MYL5: variants seen among roughly 807,000 people sequenced by gnomAD.
MYL5 encodes myosin regulatory light chain 5.
MYL5 carries 28 observed loss-of-function variants against 20.8 expected under a neutral mutation model. The ratio of observed to expected loss-of-function variants is 1.35; its 90% CI spans 1.00 to 1.84. MYL5 has a LOEUF of 1.84. Among genes scored for constraint, MYL5 ranks in the 40% most tolerant of loss-of-function variants. The pLI is 0.00. For missense variants in MYL5, 274 were observed against 227.3 expected, an observed-to-expected ratio of 1.21 and a Z score of -1.32; for synonymous variants, 118 against 87.4, an observed-to-expected ratio of 1.35 and a Z score of -1.95.
chr4:674,615 T>C (rs1738709075), upstream of MYL5: 1 of 349,476 alleles, frequency 2.9e-6, no homozygotes, highest in African/African-American at 2.2e-5. Context: ...GTCCTGGCCG[T>C]GTGTCCACAC....
At chr4:681,672 C>G (rs1215678365) in intron 6 of MYL5, among the ~76,000 whole-genome samples, 4 of 43,682 alleles carry the variant, frequency 9.2e-5, no homozygotes, top group South Asian at 1.0e-3. Context: ...CCCGCCCCCT[C>G]CAGCGCCGCC....
intron 1 of MYL5, chr4:678,268 A>T: frequency 6.8e-7 from 1 of 1,463,362 alleles, no homozygotes. Context: ...TCTCCTGGTG[A>T]GAGTCCGGAG....
At chr4:678,534 G>A in intron 1 of MYL5, 124 bp from the exon 4 acceptor site, 1 of 1,462,826 alleles carries the variant, frequency 6.8e-7, no homozygotes, top group African/African-American at 1.4e-5. Context: ...CAGCTGTCTG[G>A]CCCCCTCCAG....
upstream of MYL5, chr4:677,782 T>C: frequency 1.6e-6 from 1 of 616,534 alleles, no homozygotes. Flanking sequence ...GGATGGGAGG[T>C]AGTCCTGGCC....
At chr4:676,817 C>T, upstream of MYL5, 1 of 939,802 alleles carries the variant, frequency 1.1e-6, no homozygotes, top group Non-Finnish European at 1.3e-6. Context: ...ATCTGGTCAC[C>T]TGACACCTTG....
exon 3 of MYL5, chr4:679,020 C>T (rs1217493489): frequency 5.0e-6 from 8 of 1,613,578 alleles, no homozygotes; most frequent in Admixed American, 1.7e-5. Flanking sequence ...TGAAGGACAC[C>T]TATGCCTCCC....
rs373499780 is a variant in MYL5, at chr4:681,889, G to A, written c.421-4G>A. Reference sequence around the variant, plus strand: ...GCAAGGAGCCCTTTCGCCCCCGCCCGCAGGTGGACCAGATGTTCCAGTTCG... The same window carrying A: ...GCAAGGAGCCCTTTCGCCCCCGCCCACAGGTGGACCAGATGTTCCAGTTCG... On this transcript the variant is annotated splice_region_variant and splice_polypyrimidine_tract_variant and intron_variant, in intron 6 of 6. Transcript: ENST00000400159. 6.1e-5 allele frequency: 80 copies of A among 1,314,308 alleles called. No individual in the cohort carries two copies. Among genetic ancestry groups the A allele is most frequent in the Non-Finnish European group, 7.7e-5 (79 of 1,022,354 alleles). 81.4% of individuals were successfully genotyped at this position (1,314,308 alleles called of 1,614,324 possible).
chr4:681,976 G>T lies in MYL5; in HGVS notation c.504G>T (p.Gly168=). Residue 168 remains glycine, a synonymous_variant, in exon 7 of 7, where the codon GGG becomes GGT. Coordinates refer to ENST00000400159, the Ensembl canonical transcript of MYL5. ...CGCTCAGCTACGTGATCACCCACGG[G>T]GAGGAGAAGGAGGAGTGAGACCCAG... 1.4e-6 allele frequency: 2 copies of T among 1,397,390 alleles called. 1 individual carries two copies. Among genetic ancestry groups the T allele is most frequent in the South Asian group, 3.3e-5 (2 of 60,576 alleles). The allele number at this position is 1,397,390 out of a possible 1,614,324, so 86.6% of individuals were successfully genotyped here.
intron 6 of MYL5, among the ~76,000 whole-genome samples, chr4:681,626 C>T (rs564697156): frequency 0.086 from 6,626 of 76,806 alleles, 530 homozygotes; most frequent in Middle Eastern, 0.1. Flanking sequence ...CGCCGCCCCG[C>T]CCCCTCCAGC....
intron 5 of MYL5, 70 bp from the exon 8 acceptor site, chr4:681,022 A>C: frequency 6.6e-7 from 1 of 1,521,414 alleles, no homozygotes; most frequent in South Asian, 1.2e-5. Flanking sequence ...CCCCTGGAGC[A>C]CCTGAGCCCC....
chr4:678,561 C>G (rs1739094507), intron 1 of MYL5, 97 bp from the exon 4 acceptor site: 6 of 1,503,442 alleles, frequency 4.0e-6, no homozygotes, highest in Non-Finnish European at 5.3e-6. Flanking sequence ...GGGCTGAGGT[C>G]CACCCTTCAT....
At chr4:677,929 CA>C in exon 1 of MYL5, 1 of 1,602,562 alleles carries the variant, frequency 6.2e-7, no homozygotes, top group Middle Eastern at 1.7e-4. Context: ...TAGGGAGTGG[CA>C]GCCGGAGTCT....
At chr4:678,012 C>T in exon 1 of MYL5, 1 of 1,612,472 alleles carries the variant, frequency 6.2e-7, no homozygotes. Context: ...CGCATCAAAG[C>T]AGGCAGAAGC....
In MYL5 at chr4:678,063, G is replaced by A. The variant is rs373948314; in HGVS notation, c.3+34G>A. On this transcript the variant is annotated intron_variant, in intron 1 of 6. Coordinates refer to ENST00000400159, the Ensembl canonical transcript of MYL5. ...GCCGCCGTGCATGCCTGGGGCAGGC[G>A]TGTGGGTGTGAGCTGTGCTGTGCAT... 2.9e-4 allele frequency: 474 copies of A among 1,611,886 alleles called. 4 individuals are homozygous for A. In the East Asian group the frequency reaches 6.7e-3, roughly 23 times the overall value.
chr4:680,105 C>G (rs1295354335), intron 4 of MYL5, 87 bp downstream of exon 6: 1 of 1,299,156 alleles, frequency 7.7e-7, no homozygotes, highest in Non-Finnish European at 1.1e-6. Flanking sequence ...TCTCTCTTTT[C>G]CAATCTCTGG....
chr4:678,059 A>C (rs773335223), intron 1 of MYL5, 30 bp downstream of exon 3: 1 of 1,612,552 alleles, frequency 6.2e-7, no homozygotes, highest in Non-Finnish European at 8.5e-7. Flanking sequence ...TGCCTGGGGC[A>C]GGCGTGTGGG....
intron 1 of MYL5, chr4:678,290 G>C: frequency 7.0e-7 from 1 of 1,434,878 alleles, no homozygotes; most frequent in East Asian, 2.6e-5. Flanking sequence ...AGGATGAGGG[G>C]GTTCCTGGCT....
Position 679,047 on chromosome 4 carries a change from C to T in MYL5, c.187+14C>T. On this transcript the variant is annotated intron_variant, in intron 3 of 6. Coordinates refer to ENST00000400159, the Ensembl canonical transcript of MYL5. ...ATGCCTCCCTGGGTAGGTACCCAGG[C>T]AGAACGCCTCAGAGCCCTTGGAGGA... is the stretch of plus-strand genomic sequence containing the variant. 6.2e-7 allele frequency: 1 copy of T among 1,609,224 alleles called. No individual in the cohort carries two copies. Among genetic ancestry groups the T allele is most frequent in the East Asian group, 2.2e-5 (1 of 44,842 alleles).
In MYL5 at chr4:681,949, G is replaced by T. The variant is rs200030320; in HGVS notation, c.477G>T (p.Lys159Asn). ...ATGTGGCGGGCAACCTGGACTACAA[G>T]GCGCTCAGCTACGTGATCACCCACG... The change falls in exon 7 of 7, where the codon AAG becomes AAT. Residue 159 changes from lysine to asparagine, a missense_variant. Physicochemically the swap from Lys to Asn is moderately conservative, Grantham distance 94 (BLOSUM62 0). Coordinates refer to ENST00000400159, the Ensembl canonical transcript of MYL5. The T allele has an allele frequency of 2.2e-6, 3 of 1,346,014 alleles. No homozygotes were observed. In the East Asian group the frequency reaches 8.4e-5, roughly 38 times the overall value. The allele number at this position is 1,346,014 out of a possible 1,614,324, so 83.4% of individuals were successfully genotyped here. A position where few individuals can be genotyped will look rare whatever the true frequency, so the allele number is the denominator to read the frequency against.
Sources: allele counts gnomAD v4.1 joint callset (sites outside exome capture counted in the v4.1 genomes callset), GRCh38; gene constraint gnomAD v4.1.1; transcripts MANE v1.5; gene names NCBI Gene and HGNC (gene_info 2026-07-23, HGNC 2026-07-21).